The following GRM7 variants were observed in gnomAD, a reference collection of about 807,000 sequenced individuals.
GRM7 encodes glutamate metabotropic receptor 7.
Under a neutral mutation model 84.5 loss-of-function variants are expected in GRM7, and 35 were observed. That is an observed-to-expected ratio of 0.41 (90% CI 0.32 to 0.55). GRM7 has a LOEUF of 0.55. Ranked by LOEUF, GRM7 falls within the 20% of genes least tolerant of loss-of-function variation. The probability of loss-of-function intolerance (pLI) is 0.19; values close to 1 mark genes in which losing one functional copy is unlikely to be tolerated. For missense variants in GRM7, 1,003 were observed against 1,194.6 expected (o/e 0.84, Z 2.36); for synonymous variants, 487 against 455.1 (o/e 1.07, Z -0.89).
At chr3:7,077,256 G>A (rs6790707) in intron 1 of GRM7, among the ~76,000 whole-genome samples, 48,212 of 151,954 alleles carry the variant, frequency 0.32, 8,137 homozygotes, top group African/African-American at 0.43. Flanking sequence ...TCATTCTACT[G>A]TAAGGACACA....
intron 1 of GRM7, among the ~76,000 whole-genome samples, chr3:6,896,161 T>A (rs1012697990): frequency 2.6e-5 from 4 of 152,308 alleles, no homozygotes; most frequent in African/African-American, 9.6e-5. Flanking sequence ...GGATGTGAAT[T>A]GGAGCTGTGC....
chr3:7,667,494 T>C (rs1051833345), intron 8 of GRM7, among the ~76,000 whole-genome samples: 1 of 152,254 alleles, frequency 6.6e-6, no homozygotes, highest in South Asian at 2.1e-4. Flanking sequence ...TAAACTTGAA[T>C]AGAGAAATTG....
At chr3:7,100,889 C>G (rs991214875) in intron 1 of GRM7, among the ~76,000 whole-genome samples, 1 of 151,674 alleles carries the variant, frequency 6.6e-6, no homozygotes, top group Non-Finnish European at 1.5e-5. Flanking sequence ...TTTTGCTTAA[C>G]ATGTTTTTGA....
chr3:7,369,057 T>G (rs113996176), intron 4 of GRM7, among the ~76,000 whole-genome samples: 6,385 of 152,018 alleles, frequency 0.042, 439 homozygotes, highest in African/African-American at 0.15. Context: ...ACCTGAGAAA[T>G]CTTTCTTTAT....
intron 4 of GRM7, among the ~76,000 whole-genome samples, chr3:7,348,142 G>A (rs376645795): frequency 2.0e-5 from 3 of 152,184 alleles, no homozygotes; most frequent in East Asian, 3.9e-4. Context: ...ACTTTTATCG[G>A]CCTAGGTCAT....
intron 1 of GRM7, among the ~76,000 whole-genome samples, chr3:7,086,719 A>G (rs9816062): frequency 0.5 from 75,498 of 152,006 alleles, 20,067 homozygotes; most frequent in African/African-American, 0.7. Flanking sequence ...AGACTTTAGC[A>G]TGTGTTCATG....
intron 1 of GRM7, among the ~76,000 whole-genome samples, chr3:6,895,879 A>G (rs970738330): frequency 1.1e-4 from 16 of 152,196 alleles, no homozygotes; most frequent in African/African-American, 3.6e-4. Context: ...GAGTAAAAAT[A>G]TATATTTATT....
chr3:7,263,892 G>T (rs2124964225), intron 2 of GRM7, among the ~76,000 whole-genome samples: 1 of 152,252 alleles, frequency 6.6e-6, no homozygotes, highest in African/African-American at 2.4e-5. Flanking sequence ...GGTAAGGCAA[G>T]GTCTGCCTGC....
rs1390880064 is a variant in GRM7, at chr3:7,622,701, AG to A, written c.2451+43345del. ...AGGTGGTTGCAGGAACTGGTTAAAC[AG>A]TATGTGTAAGGCTGCCTCGGTGTCT... On this transcript the variant is annotated intron_variant, in intron 8 of 9. Transcript: ENST00000357716. Among the ~76,000 whole-genome samples the A allele has an allele frequency of 2.0e-5, 3 of 152,080 alleles. No homozygotes were observed. The East Asian group carries it at 5.8e-4, about 30-fold the overall frequency.
chr3:7,610,123 G>T (rs949606810), intron 8 of GRM7, among the ~76,000 whole-genome samples: 2 of 152,156 alleles, frequency 1.3e-5, no homozygotes, highest in Non-Finnish European at 2.9e-5. Context: ...TGAAGGTAGG[G>T]CGCTTGGAAG....
chr3:7,363,917 A>G (rs942760996), intron 4 of GRM7, among the ~76,000 whole-genome samples: 2 of 152,014 alleles, frequency 1.3e-5, no homozygotes, highest in African/African-American at 2.4e-5. Context: ...CTGCAAATTT[A>G]CTGTTTACAT....
intron 4 of GRM7, among the ~76,000 whole-genome samples, chr3:7,395,882 A>G (rs112191428): frequency 1.5e-4 from 23 of 152,276 alleles, no homozygotes; most frequent in African/African-American, 5.3e-4. Flanking sequence ...ATATATTTTC[A>G]GTTTCAAATA....
chr3:7,060,783 G>A (rs1228753247), intron 1 of GRM7, among the ~76,000 whole-genome samples: 1 of 151,678 alleles, frequency 6.6e-6, no homozygotes, highest in Non-Finnish European at 1.5e-5. Context: ...CCTTATTTTT[G>A]TTGAGAAAGG....
rs116629676 is a variant in GRM7, at chr3:7,317,663, G to A, written c.1033+11011G>A. Among the ~76,000 whole-genome samples, 836 of 152,138 alleles carry A rather than the reference G, an allele frequency of 5.5e-3. 2 individuals carry two copies. The highest frequency in any genetic ancestry group is 9.3e-3 in the Non-Finnish European group (632 of 67,984). On this transcript the variant is annotated intron_variant, in intron 4 of 9. Coordinates refer to ENST00000357716, the MANE Select transcript of GRM7 (RefSeq NM_000844.4). ...GGGTGCTAAGTAGGCATGGATAGAT[G>A]TTTTTGATAGTCTATTCTAGTGCTT...
At chr3:7,554,477 G>T (rs1182361284) in intron 7 of GRM7, among the ~76,000 whole-genome samples, 1 of 152,198 alleles carries the variant, frequency 6.6e-6, no homozygotes, top group African/African-American at 2.4e-5. Context: ...AACATCGAAT[G>T]AGTAATGTAC....
At chr3:7,205,011 CTAAAAA>C (rs1433762912) in intron 2 of GRM7, among the ~76,000 whole-genome samples, 9 of 152,186 alleles carry the variant, frequency 5.9e-5, no homozygotes, top group African/African-American at 1.7e-4. Context: ...AATATTATCT[CTAAAAA>C]TAACTACAGA....
At chr3:7,158,531 T>C (rs1694526595) in intron 2 of GRM7, among the ~76,000 whole-genome samples, 1 of 152,088 alleles carries the variant, frequency 6.6e-6, no homozygotes, top group African/African-American at 2.4e-5. Flanking sequence ...TTAATACATA[T>C]ATCCATGGCC....
At chr3:7,679,167 G>A (rs1700257514) in intron 8 of GRM7, among the ~76,000 whole-genome samples, 1 of 152,244 alleles carries the variant, frequency 6.6e-6, no homozygotes, top group Non-Finnish European at 1.5e-5. Context: ...AAGAAGAAAA[G>A]GAGGAACGTT....
In GRM7 at chr3:6,958,685, A is replaced by G. The variant is rs139265728; in HGVS notation, c.519+96778A>G. ...GAAGCTGAGTTAAACTAAATACAAA[A>G]AAACTTTCCTAAGAACTAATATGGA... is the stretch of plus-strand genomic sequence containing the variant. On this transcript the variant is annotated intron_variant, in intron 1 of 9. Transcript: ENST00000357716. Among the ~76,000 whole-genome samples the G allele has an allele frequency of 1.7e-3, 263 of 152,296 alleles. 3 individuals carry two copies. The highest frequency in any genetic ancestry group is 5.7e-3 in the African/African-American group (236 of 41,558).
Sources: allele counts gnomAD v4.1 joint callset (sites outside exome capture counted in the v4.1 genomes callset), GRCh38; gene constraint gnomAD v4.1.1; transcripts MANE v1.5; gene names NCBI Gene and HGNC (gene_info 2026-07-23, HGNC 2026-07-21).